Variants in ERG observed in about 807,000 individuals in gnomAD.
ERG encodes ETS transcription factor ERG, also known as transcriptional regulator ERG.
ERG carries 9 observed loss-of-function variants against 55.3 expected under a neutral mutation model. The ratio of observed to expected loss-of-function variants is 0.16; its 90% CI spans 0.10 to 0.28. The LOEUF (loss-of-function observed/expected upper bound fraction) is 0.28, where lower values mean the gene tolerates loss of function less well. Among genes scored for constraint, ERG ranks in the 10% least tolerant of loss-of-function variants. The pLI is 1.00. For missense variants in ERG, 434 were observed against 631.6 expected, an observed-to-expected ratio of 0.69 and a Z score of 3.35; for synonymous variants, 223 against 237.3, an observed-to-expected ratio of 0.94 and a Z score of 0.55.
chr21:38,568,390 T>G lies in ERG; in HGVS notation c.-41+7272A>C, dbSNP rs370715109. On this transcript the variant is annotated intron_variant, in intron 2 of 8. Transcript: ENST00000398897. ...TCATTAGCTAATTTATTCCTCGTGA[T>G]TCTATGGGGTAGATGCACTATTTCA... Among the ~76,000 whole-genome samples, 48 of 152,328 alleles carry G rather than the reference T, an allele frequency of 3.2e-4. No individual in the cohort carries two copies. In the East Asian group the frequency reaches 7.9e-3, roughly 25 times the overall value.
At chr21:38,392,507 T>G in intron 6 of ERG, 63 bp from the exon 7 acceptor site, 2 of 1,209,498 alleles carry the variant, frequency 1.7e-6, no homozygotes, top group Non-Finnish European at 2.2e-6. Context: ...GATGCTTTGG[T>G]TTTTTATTTG....
intron 2 of ERG, among the ~76,000 whole-genome samples, chr21:38,566,288 T>C (rs543283621): frequency 2.8e-4 from 42 of 152,192 alleles, no homozygotes; most frequent in Non-Finnish European, 4.8e-4. Flanking sequence ...GGTGTCCCCA[T>C]GGGAAAATGC....
intron 1 of ERG, among the ~76,000 whole-genome samples, chr21:38,603,975 G>A (rs999651549): frequency 2.0e-5 from 3 of 151,752 alleles, no homozygotes; most frequent in African/African-American, 4.9e-5. Flanking sequence ...TTGGCCGGGC[G>A]CGGTGGCTCA....
chr21:38,505,742 C>T (rs1451398551), intron 2 of ERG, among the ~76,000 whole-genome samples: 2 of 152,146 alleles, frequency 1.3e-5, no homozygotes, highest in Non-Finnish European at 2.9e-5. Flanking sequence ...AATCCTGCCT[C>T]AAGGATTTTA....
chr21:38,617,772 T>C (rs1231862624), intron 1 of ERG, among the ~76,000 whole-genome samples: 1 of 152,196 alleles, frequency 6.6e-6, no homozygotes, highest in Admixed American at 6.5e-5. Context: ...CATCCCATTG[T>C]TGATATTTGA....
At chr21:38,631,676 G>T (rs528571997) in intron 1 of ERG, among the ~76,000 whole-genome samples, 3 of 151,920 alleles carry the variant, frequency 2.0e-5, no homozygotes, top group Admixed American at 2.0e-4. Context: ...TTTCCGTACC[G>T]TTTTCACCCC....
At chr21:38,514,451 C>A (rs1188376669) in intron 2 of ERG, among the ~76,000 whole-genome samples, 1 of 151,688 alleles carries the variant, frequency 6.6e-6, no homozygotes, top group Non-Finnish European at 1.5e-5. Context: ...AGAATGAAAG[C>A]TTGTTTCAAT....
intron 1 of ERG, among the ~76,000 whole-genome samples, chr21:38,596,903 C>T (rs1009205097): frequency 1.6e-4 from 23 of 147,072 alleles, no homozygotes; most frequent in Admixed American, 2.7e-4. Flanking sequence ...CACCACCCAC[C>T]TTCAACTCAG....
intron 1 of ERG, among the ~76,000 whole-genome samples, chr21:38,593,777 T>A (rs1453570429): frequency 6.6e-6 from 1 of 152,122 alleles, no homozygotes; most frequent in Non-Finnish European, 1.5e-5. Flanking sequence ...AGAACAAAAA[T>A]GGCAAGTCAT....
intron 1 of ERG, among the ~76,000 whole-genome samples, chr21:38,599,788 A>G (rs1202070592): frequency 6.6e-6 from 1 of 152,230 alleles, no homozygotes; most frequent in Non-Finnish European, 1.5e-5. Flanking sequence ...GGAGACTCGG[A>G]ACAGGGACAG....
intron 2 of ERG, among the ~76,000 whole-genome samples, chr21:38,545,076 A>G (rs534424948): frequency 5.3e-5 from 8 of 152,324 alleles, no homozygotes; most frequent in African/African-American, 1.9e-4. Context: ...CATAATTTTT[A>G]AAATCCATTT....
chr21:38,585,410 G>C (rs1259966363), upstream of ERG, among the ~76,000 whole-genome samples: 3 of 151,912 alleles, frequency 2.0e-5, no homozygotes, highest in East Asian at 5.8e-4. Flanking sequence ...CTTTGTAAAT[G>C]CTAGGAGGAT....
rs906142670 is a variant in ERG at position 38,438,573 on chromosome 21, C to A, written c.236+6831G>T. On this transcript the variant is annotated intron_variant, in intron 2 of 9. Coordinates refer to ENST00000288319, the MANE Select transcript of ERG (RefSeq NM_182918.4). ...AAACATCCTGCTATCTGACCCGAGGCTGGAGTTATTCATGGCATGCAATGA... is the reference window on the plus strand; with the variant it reads ...AAACATCCTGCTATCTGACCCGAGGATGGAGTTATTCATGGCATGCAATGA... 3.9e-5 allele frequency among the ~76,000 whole-genome samples: 6 copies of A among 152,346 alleles called. No individual in the cohort carries two copies. In the East Asian group the frequency reaches 9.7e-4, roughly 25 times the overall value.
chr21:38,404,535 C>T (rs904476613), intron 3 of ERG, among the ~76,000 whole-genome samples: 1 of 152,314 alleles, frequency 6.6e-6, no homozygotes, highest in East Asian at 1.9e-4. Flanking sequence ...GGTAAACACC[C>T]TCAGTGGTAG....
rs372011677 is a variant in ERG at position 38,399,801 on chromosome 21, C to T, written c.745+773G>A. On this transcript the variant is annotated intron_variant, in intron 6 of 9. Transcript: ENST00000288319. ...GGTTCCTCTACCATAAAATCTATCA[C>T]ATTAGGGAAAACATTTATGTGTACA... Among the ~76,000 whole-genome samples the T allele has an allele frequency of 1.2e-4, 19 of 152,318 alleles. No homozygotes were observed. The East Asian group carries it at 2.3e-3, about 19-fold the overall frequency.
At chr21:38,650,662 A>G (rs1259329519) in intron 1 of ERG, among the ~76,000 whole-genome samples, 1 of 152,138 alleles carries the variant, frequency 6.6e-6, no homozygotes, top group Non-Finnish European at 1.5e-5. Context: ...AAAAAAAAAG[A>G]GTGGCATAGT....
chr21:38,558,066 G>T (rs1397194768), intron 2 of ERG, among the ~76,000 whole-genome samples: 1 of 149,378 alleles, frequency 6.7e-6, no homozygotes, highest in Admixed American at 6.7e-5. Context: ...TTTTGGGGGG[G>T]GGTCCTACAG....
At chr21:38,411,544 G>T (rs1002130815) in intron 3 of ERG, among the ~76,000 whole-genome samples, 2 of 152,152 alleles carry the variant, frequency 1.3e-5, no homozygotes, top group Non-Finnish European at 1.5e-5. Context: ...CTGACCTTAG[G>T]TGATCCACCC....
intron 2 of ERG, among the ~76,000 whole-genome samples, chr21:38,566,790 T>G (rs911826812): frequency 6.6e-6 from 1 of 152,240 alleles, no homozygotes; most frequent in African/African-American, 2.4e-5. Context: ...ATCAATTATC[T>G]GAGCAAGATA....
Sources: gnomAD v4.1 joint callset for allele counts (sites outside exome capture counted in the v4.1 genomes callset) on GRCh38, gnomAD v4.1.1 for gene constraint, MANE v1.5 for transcripts, NCBI Gene and HGNC (gene_info 2026-07-23, HGNC 2026-07-21) for gene names.